Variants in RAB3C observed in about 807,000 individuals in gnomAD.
RAB3C encodes RAB3C, member RAS oncogene family.
RAB3C carries 17 observed loss-of-function variants against 26.4 expected under a neutral mutation model. The ratio of observed to expected loss-of-function variants is 0.64; its 90% confidence interval spans 0.44 to 0.97. The LOEUF is 0.97. Among genes scored for constraint, RAB3C ranks in the 50% least tolerant of loss-of-function variants. The probability of loss-of-function intolerance (pLI) is 0.00; values close to 1 mark genes in which losing one functional copy is unlikely to be tolerated. For synonymous variants in RAB3C, 91 were observed against 95.9 expected, an observed-to-expected ratio of 0.95 and a Z score of 0.30; for missense variants, 242 against 281.9, an observed-to-expected ratio of 0.86 and a Z score of 1.01.
intron 3 of RAB3C, among the ~76,000 whole-genome samples, chr5:58,736,625 T>C (rs748557056): frequency 3.3e-5 from 5 of 152,224 alleles, no homozygotes; most frequent in Non-Finnish European, 7.3e-5. Context: ...CTTCACATTA[T>C]CTTTTCTATA....
intron 2 of RAB3C, among the ~76,000 whole-genome samples, chr5:58,708,450 A>G (rs1306272074): frequency 6.6e-6 from 1 of 152,146 alleles, no homozygotes; most frequent in African/African-American, 2.4e-5. Flanking sequence ...TCAGACCCTG[A>G]CCTTATTAGC....
chr5:58,723,055 G>A lies in RAB3C; in HGVS notation c.253-2947G>A, dbSNP rs188405151. On this transcript the variant is annotated intron_variant, in intron 2 of 4. Coordinates refer to ENST00000282878, the MANE Select transcript of RAB3C (RefSeq NM_138453.4). Reference sequence around the variant, plus strand: ...ATTTAACTTTTTTAGTGATTTCTTAGCACCGTTTTACATATTAAATATATT... The same window carrying A: ...ATTTAACTTTTTTAGTGATTTCTTAACACCGTTTTACATATTAAATATATT... Among the ~76,000 whole-genome samples the A allele has an allele frequency of 1.2e-3, 187 of 151,614 alleles. 1 individual carries two copies. Among genetic ancestry groups the A allele is most frequent in the Admixed American group, 2.6e-3 (40 of 15,196 alleles).
At chr5:58,602,773 G>T (rs532971895) in intron 1 of RAB3C, among the ~76,000 whole-genome samples, 1 of 152,226 alleles carries the variant, frequency 6.6e-6, no homozygotes, top group Non-Finnish European at 1.5e-5. Context: ...ATAGTTGGTT[G>T]GTGAGTTTTT....
At chr5:58,779,590 G>A (rs1051615094) in intron 3 of RAB3C, among the ~76,000 whole-genome samples, 3 of 151,878 alleles carry the variant, frequency 2.0e-5, no homozygotes, top group African/African-American at 7.3e-5. Context: ...GCCTTATCAT[G>A]TTGCCTAGGC....
At chr5:58,622,490 A>G (rs557923245) in intron 2 of RAB3C, among the ~76,000 whole-genome samples, 1 of 152,294 alleles carries the variant, frequency 6.6e-6, no homozygotes, top group South Asian at 2.1e-4. Flanking sequence ...CCTCAGGGGC[A>G]GTCTCTGTCA....
chr5:58,815,533 C>T (rs1218009341), intron 3 of RAB3C, among the ~76,000 whole-genome samples: 1 of 152,166 alleles, frequency 6.6e-6, no homozygotes, highest in Non-Finnish European at 1.5e-5. Flanking sequence ...CCTTCCCTTA[C>T]TGCAGACAGT....
intron 2 of RAB3C, among the ~76,000 whole-genome samples, chr5:58,705,409 T>C (rs931711487): frequency 6.6e-6 from 1 of 152,166 alleles, no homozygotes; most frequent in Non-Finnish European, 1.5e-5. Context: ...TGTTATTAAG[T>C]GACATTATTG....
chr5:58,639,332 T>A (rs2111764773), intron 2 of RAB3C, among the ~76,000 whole-genome samples: 1 of 152,312 alleles, frequency 6.6e-6, no homozygotes, highest in East Asian at 1.9e-4. Context: ...TCACCCTCCC[T>A]GTCTTAGTCA....
intron 2 of RAB3C, among the ~76,000 whole-genome samples, chr5:58,652,182 T>A (rs1191475084): frequency 1.3e-5 from 2 of 151,930 alleles, no homozygotes; most frequent in Non-Finnish European, 2.9e-5. Context: ...ATTATTCTTG[T>A]ATAGTTTTCT....
chr5:58,654,355 G>A (rs374411716), intron 2 of RAB3C, among the ~76,000 whole-genome samples: 7 of 152,146 alleles, frequency 4.6e-5, no homozygotes, highest in African/African-American at 1.7e-4. Flanking sequence ...TATTTTAAAT[G>A]GGGAAATAAG....
At chr5:58,769,526 T>C (rs1741983279) in intron 3 of RAB3C, among the ~76,000 whole-genome samples, 1 of 152,114 alleles carries the variant, frequency 6.6e-6, no homozygotes, top group Non-Finnish European at 1.5e-5. Flanking sequence ...AAGAGAATCC[T>C]GACAACCATA....
Position 58,593,966 on chromosome 5 carries a change from C to T in RAB3C, c.24+10734C>T, listed in dbSNP as rs116068822. Among the ~76,000 whole-genome samples, 283 of 152,182 alleles carry T rather than the reference C, an allele frequency of 1.9e-3. 2 individuals carry two copies. Among genetic ancestry groups the T allele is most frequent in the African/African-American group, 6.3e-3 (263 of 41,518 alleles). Reference sequence around the variant, plus strand: ...TTATGCCTCCTTGGCCTCCTATCTGCGAAAAACATGGAATCATAGCCACTT... The same window carrying T: ...TTATGCCTCCTTGGCCTCCTATCTGTGAAAAACATGGAATCATAGCCACTT... On this transcript the variant is annotated intron_variant, in intron 1 of 4. Transcript: ENST00000282878.
Position 58,669,189 on chromosome 5 carries a change from T to A in RAB3C, c.252+51319T>A, listed in dbSNP as rs541902071. 5.3e-5 allele frequency among the ~76,000 whole-genome samples: 8 copies of A among 152,284 alleles called. No homozygotes were observed. The East Asian group carries it at 1.4e-3, about 26-fold the overall frequency. ...CCATAGCAATTTCCCTAGTATTTTT[T>A]TCATATTCTAAGTCTCACTAGATGG... is the stretch of plus-strand genomic sequence containing the variant. On this transcript the variant is annotated intron_variant, in intron 2 of 4. Transcript: ENST00000282878.
At position 58,801,339 on chromosome 5, in the gene RAB3C, C is replaced by T. The variant is rs558476586; in HGVS notation, c.372-23699C>T. On this transcript the variant is annotated intron_variant, in intron 3 of 4. Transcript: ENST00000282878. ...GAAATGACAACATGCAGTATTTCAT[C>T]ATAGTGTAATCCATGAAGCTACTGA... Among the ~76,000 whole-genome samples, 6 of 152,264 alleles carry T rather than the reference C, an allele frequency of 3.9e-5. No individual in the cohort carries two copies. In the East Asian group the frequency reaches 1.2e-3, roughly 29 times the overall value.
chr5:58,838,721 A>G (rs942446576), intron 4 of RAB3C, among the ~76,000 whole-genome samples: 1 of 152,198 alleles, frequency 6.6e-6, no homozygotes, highest in African/African-American at 2.4e-5. Context: ...GGTTTGTGGC[A>G]TAGTTTAAAT....
intron 1 of RAB3C, among the ~76,000 whole-genome samples, chr5:58,586,677 T>C (rs886815189): frequency 1.3e-5 from 2 of 152,064 alleles, no homozygotes; most frequent in African/African-American, 4.8e-5. Context: ...TGCAGTCTTC[T>C]GACTATTGAG....
chr5:58,822,879 A>T, intron 3 of RAB3C: 5 of 638,524 alleles, frequency 7.8e-6, no homozygotes, highest in South Asian at 5.4e-5. Context: ...GGCCAAGTGG[A>T]GATGACTGGA....
At chr5:58,680,131 A>G (rs1044634226) in intron 2 of RAB3C, among the ~76,000 whole-genome samples, 5 of 152,314 alleles carry the variant, frequency 3.3e-5, no homozygotes, top group African/African-American at 1.2e-4. Context: ...AGAATCAAAG[A>G]AAGGGAAGGA....
intron 2 of RAB3C, among the ~76,000 whole-genome samples, chr5:58,701,428 C>T (rs1413929978): frequency 6.6e-6 from 1 of 152,138 alleles, no homozygotes; most frequent in Non-Finnish European, 1.5e-5. Flanking sequence ...GTTTAGTTTA[C>T]TTATCTCTCC....
Sources: allele counts gnomAD v4.1 joint callset (sites outside exome capture counted in the v4.1 genomes callset), GRCh38; gene constraint gnomAD v4.1.1; transcripts MANE v1.5; gene names NCBI Gene and HGNC (gene_info 2026-07-23, HGNC 2026-07-21).